The following LIMS1 variants were observed in gnomAD, a reference collection of about 807,000 sequenced individuals.
LIMS1 encodes the protein LIM zinc finger domain containing 1, also known as LIM and senescent cell antigen-like-containing domain protein 1.
A neutral mutation model predicts 44.1 loss-of-function variants in LIMS1; 18 were observed. The ratio of observed to expected loss-of-function variants is 0.41; its 90% CI spans 0.28 to 0.61. The LOEUF is 0.61. Ranked by LOEUF, LIMS1 falls within the 20% of genes least tolerant of loss-of-function variation. The pLI is 0.32. For missense variants in LIMS1, 201 were observed against 422.0 expected (o/e 0.48, Z 4.59); for synonymous variants, 93 against 149.1 (o/e 0.62, Z 2.74).
chr2:108,562,221 A>G (rs1573332154), intron 1 of LIMS1, among the ~76,000 whole-genome samples: 1 of 152,352 alleles, frequency 6.6e-6, no homozygotes, highest in East Asian at 1.9e-4. Flanking sequence ...AGACACAACA[A>G]TATTGAAATT....
intron 1 of LIMS1, among the ~76,000 whole-genome samples, chr2:108,617,832 T>G (rs1005033553): frequency 1.6e-4 from 25 of 152,152 alleles, no homozygotes; most frequent in African/African-American, 6.0e-4. Flanking sequence ...TGGAGTCCAG[T>G]CCTCTCAGCT....
chr2:108,539,321 G>C (rs1187162463), intron 1 of LIMS1, among the ~76,000 whole-genome samples: 2 of 152,212 alleles, frequency 1.3e-5, no homozygotes, highest in African/African-American at 4.8e-5. Flanking sequence ...CTGGCCTCAA[G>C]CGATCCGCCC....
At chr2:108,630,142 G>A (rs1387514886) in intron 1 of LIMS1, among the ~76,000 whole-genome samples, 2 of 147,216 alleles carry the variant, frequency 1.4e-5, no homozygotes, top group Non-Finnish European at 3.0e-5. Context: ...ATAGTGAGGT[G>A]AGATCATACC....
intron 1 of LIMS1, among the ~76,000 whole-genome samples, chr2:108,598,303 A>G (rs1198660031): frequency 6.6e-6 from 1 of 152,188 alleles, no homozygotes; most frequent in Non-Finnish European, 1.5e-5. Flanking sequence ...TTTTTCATTT[A>G]TAAACGAATT....
chr2:108,675,020 C>G (rs1338284256), intron 5 of LIMS1, among the ~76,000 whole-genome samples: 3 of 151,866 alleles, frequency 2.0e-5, no homozygotes, highest in Non-Finnish European at 4.4e-5. Flanking sequence ...AAATTCTGGG[C>G]ATTTTGTTGT....
chr2:108,588,591 A>G lies in LIMS1; in HGVS notation c.32+53997A>G, dbSNP rs1316517139. ...GGAAGTTTGAGAGAAGTTTAAGAGA[A>G]GAAATGGACATGATTGCCTAAATCA... On this transcript the variant is annotated intron_variant, in intron 1 of 9. Transcript: ENST00000544547. The G allele has an allele frequency of 9.1e-6, 9 of 985,368 alleles. No homozygotes were observed. In the African/African-American group the frequency reaches 1.2e-4, roughly 13 times the overall value. 61.0% of individuals were successfully genotyped at this position (985,368 alleles called of 1,614,324 possible).
exon 2 of LIMS1, chr2:108,659,628 G>C (rs141181415): frequency 6.2e-7 from 1 of 1,612,054 alleles, no homozygotes; most frequent in Admixed American, 1.7e-5. Context: ...GCCCTGGCCA[G>C]CGCCACTTGC....
At chr2:108,603,088 G>C (rs984931791) in intron 1 of LIMS1, among the ~76,000 whole-genome samples, 5 of 152,126 alleles carry the variant, frequency 3.3e-5, no homozygotes, top group African/African-American at 1.2e-4. Flanking sequence ...GCCTGACCAG[G>C]TTTTCTTTTT....
At chr2:108,574,849 T>C (rs1346646156) in intron 1 of LIMS1, among the ~76,000 whole-genome samples, 1 of 152,166 alleles carries the variant, frequency 6.6e-6, no homozygotes, top group East Asian at 1.9e-4. Flanking sequence ...TTTTGGAGAT[T>C]GGTCATGGTT....
chr2:108,544,911 A>T (rs1458843357), intron 1 of LIMS1, among the ~76,000 whole-genome samples: 1 of 152,064 alleles, frequency 6.6e-6, no homozygotes, highest in African/African-American at 2.4e-5. Context: ...AAAGATAAGG[A>T]CTCTTCAAAA....
chr2:108,659,680 G>A, exon 2 of LIMS1: 3 of 1,612,442 alleles, frequency 1.9e-6, no homozygotes, highest in Middle Eastern at 2.1e-4. Context: ...AGAAGATCGT[G>A]AACAGTAATG....
At chr2:108,670,822 C>T in exon 3 of LIMS1, 1 of 1,610,868 alleles carries the variant, frequency 6.2e-7, no homozygotes, top group Admixed American at 1.7e-5. Flanking sequence ...TTCAGATGCT[C>T]TTTGCCCCTT....
At chr2:108,537,008 G>A (rs1430132162) in intron 1 of LIMS1, among the ~76,000 whole-genome samples, 1 of 152,148 alleles carries the variant, frequency 6.6e-6, no homozygotes, top group Non-Finnish European at 1.5e-5. Flanking sequence ...TTTTTTTCCA[G>A]CATGACTGTA....
chr2:108,652,192 A>G (rs369404655), intron 1 of LIMS1, among the ~76,000 whole-genome samples: 13 of 151,788 alleles, frequency 8.6e-5, no homozygotes, highest in African/African-American at 3.2e-4. Flanking sequence ...ACAACTCAGC[A>G]ATTTTACTGT....
intron 1 of LIMS1, among the ~76,000 whole-genome samples, chr2:108,542,640 T>TA (rs1474376908): frequency 2.0e-5 from 3 of 152,218 alleles, no homozygotes; most frequent in African/African-American, 2.4e-5. Flanking sequence ...CTCCTACCCT[T>TA]ACGCTTATAT....
At chr2:108,613,933 A>G (rs6760957) in intron 1 of LIMS1, among the ~76,000 whole-genome samples, 62,351 of 151,290 alleles carry the variant, frequency 0.41, 14,761 homozygotes, top group East Asian at 0.94. Flanking sequence ...ACTTTCTACT[A>G]CTTGACATGT....
intron 1 of LIMS1, among the ~76,000 whole-genome samples, chr2:108,605,085 A>C (rs1370111137): frequency 6.6e-6 from 1 of 152,306 alleles, no homozygotes; most frequent in East Asian, 1.9e-4. Context: ...CATTAGGTAC[A>C]CCTGTATTGG....
chr2:108,569,396 G>A (rs1685407117), intron 1 of LIMS1, among the ~76,000 whole-genome samples: 2 of 152,040 alleles, frequency 1.3e-5, no homozygotes, highest in Admixed American at 1.3e-4. Flanking sequence ...GTTTTGGATT[G>A]GGAAACCGTT....
At chr2:108,558,138 T>C (rs1015226155) in intron 1 of LIMS1, among the ~76,000 whole-genome samples, 43 of 152,220 alleles carry the variant, frequency 2.8e-4, no homozygotes, top group Non-Finnish European at 5.6e-4. Context: ...AAGGTAATTA[T>C]AGATTTAAAA....
Sources: gnomAD v4.1 joint callset for allele counts (sites outside exome capture counted in the v4.1 genomes callset) on GRCh38, gnomAD v4.1.1 for gene constraint, MANE v1.5 for transcripts, NCBI Gene and HGNC (gene_info 2026-07-23, HGNC 2026-07-21) for gene names.